The following BASP1 variants were observed in gnomAD, a reference collection of about 807,000 sequenced individuals.
The protein encoded by BASP1 is brain acid soluble protein 1.
Under a neutral mutation model 2.2 loss-of-function variants are expected in BASP1, and 1 was observed. The ratio of observed to expected loss-of-function variants is 0.46; its 90% confidence interval spans 0.16 to 2.17. The LOEUF is 2.17. BASP1 is among the 30% of genes most tolerant of loss of function. BASP1 has a pLI of 0.27. For missense variants in BASP1, 352 were observed against 327.2 expected, an observed-to-expected ratio of 1.08 and a Z score of -0.58; for synonymous variants, 187 against 154.2, an observed-to-expected ratio of 1.21 and a Z score of -1.58.
chr5:17,275,604 G>A lies in BASP1; in HGVS notation c.388G>A (p.Ala130Thr). ...AGCTGCTGAGGCCGCCGCGGCCCCGGCCGAGAGCGCGGCCCCTGCCGCCGG... is the reference window on the plus strand; with the variant it reads ...AGCTGCTGAGGCCGCCGCGGCCCCGACCGAGAGCGCGGCCCCTGCCGCCGG... ...PKAAEAAAAPAESAAPAAGEE... is the reference protein window; with the variant it reads ...PKAAEAAAAPTESAAPAAGEE... Residue 130 changes from alanine (A) to threonine (T), a missense_variant, in exon 2 of 2, where the codon GCC becomes ACC. Transcript: ENST00000322611. This position sits in a 1 kb window ranked among gnomAD's most constrained non-coding sequence, Gnocchi z 5.3. The A allele has an allele frequency of 7.0e-7, 1 of 1,424,182 alleles. No homozygotes were observed. Among genetic ancestry groups the A allele is most frequent in the Non-Finnish European group, 9.2e-7 (1 of 1,092,274 alleles). 88.2% of individuals were successfully genotyped at this position (1,424,182 alleles called of 1,614,324 possible). A position where few individuals can be genotyped will look rare whatever the true frequency, so the allele number is the denominator to read the frequency against.
At chr5:17,244,586 C>T (rs1229347917) in intron 1 of BASP1, among the ~76,000 whole-genome samples, 3 of 152,024 alleles carry the variant, frequency 2.0e-5, no homozygotes, top group Non-Finnish European at 4.4e-5. Flanking sequence ...CCATTGTTTA[C>T]ATCGTCAGAC....
chr5:17,218,351 T>G (rs1165111425), intron 1 of BASP1, among the ~76,000 whole-genome samples: 1 of 152,062 alleles, frequency 6.6e-6, no homozygotes, highest in Non-Finnish European at 1.5e-5. Context: ...AGTGGGTGGC[T>G]TTTTGCTTTG....
rs148718165 is a variant in BASP1, at chr5:17,255,664, C to T, written c.-9-19544C>T. On this transcript the variant is annotated intron_variant, in intron 1 of 1. Coordinates refer to ENST00000322611, the MANE Select transcript of BASP1 (RefSeq NM_006317.5). ...GTAGAGATGCAAGGCTGACTGTGGA[C>T]GTAAATAATAGAACATTCAGAATCA... Among the ~76,000 whole-genome samples, 25 of 152,192 alleles carry T rather than the reference C, an allele frequency of 1.6e-4. No individual in the cohort carries two copies. In the East Asian group the frequency reaches 3.9e-3, roughly 24 times the overall value.
At chr5:17,227,310 C>T (rs1267666895) in intron 1 of BASP1, among the ~76,000 whole-genome samples, 4 of 152,012 alleles carry the variant, frequency 2.6e-5, no homozygotes, top group Non-Finnish European at 5.9e-5. Flanking sequence ...ACCTCTGCCT[C>T]CTGGGTTCAA....
At chr5:17,269,176 A>C (rs1407011631) in intron 1 of BASP1, among the ~76,000 whole-genome samples, 1 of 152,242 alleles carries the variant, frequency 6.6e-6, no homozygotes, top group Non-Finnish European at 1.5e-5. Context: ...CTTCCTAGGC[A>C]TGAAGAAGTT....
At chr5:17,246,223 T>C (rs1316070521) in intron 1 of BASP1, among the ~76,000 whole-genome samples, 1 of 152,014 alleles carries the variant, frequency 6.6e-6, no homozygotes, top group Non-Finnish European at 1.5e-5. Context: ...GGCTCACGCC[T>C]GTAATCCCAG....
intron 1 of BASP1, among the ~76,000 whole-genome samples, chr5:17,250,690 C>T (rs2126507228): frequency 6.6e-6 from 1 of 152,106 alleles, no homozygotes; most frequent in East Asian, 1.9e-4. Flanking sequence ...CTGTAAGCTC[C>T]ACCTCCCGGG....
In BASP1 at chr5:17,262,933, G is replaced by A. The variant is rs143051258; in HGVS notation, c.-9-12275G>A. On this transcript the variant is annotated intron_variant, in intron 1 of 1. Transcript: ENST00000322611. ...ACGATCTCGGCTCACTGCAAGCTCCGCCTCCCTGGTTCATGCCATTCTCCT... is the reference window on the plus strand; with the variant it reads ...ACGATCTCGGCTCACTGCAAGCTCCACCTCCCTGGTTCATGCCATTCTCCT... Among the ~76,000 whole-genome samples, 489 of 151,192 alleles carry A rather than the reference G, an allele frequency of 3.2e-3. 1 individual carries two copies. Among genetic ancestry groups the A allele is most frequent in the African/African-American group, 0.011 (459 of 41,098 alleles).
At chr5:17,243,151 G>A (rs1579489336) in intron 1 of BASP1, among the ~76,000 whole-genome samples, 1 of 150,414 alleles carries the variant, frequency 6.6e-6, no homozygotes, top group Non-Finnish European at 1.5e-5. Flanking sequence ...TTAAATTCTT[G>A]CTTTTTTTTT....
chr5:17,228,275 G>T (rs938988540), intron 1 of BASP1, among the ~76,000 whole-genome samples: 2 of 152,160 alleles, frequency 1.3e-5, no homozygotes, highest in African/African-American at 4.8e-5. Flanking sequence ...AGTTTTCTGG[G>T]TGGACAGGTA....
chr5:17,273,379 C>T (rs572607143), intron 1 of BASP1, among the ~76,000 whole-genome samples: 1 of 151,980 alleles, frequency 6.6e-6, no homozygotes, highest in Admixed American at 6.5e-5. Flanking sequence ...AGGTTATGAC[C>T]AATTGCCACC....
intron 1 of BASP1, among the ~76,000 whole-genome samples, chr5:17,229,631 C>T (rs982463299): frequency 2.6e-5 from 4 of 152,136 alleles, no homozygotes; most frequent in African/African-American, 4.8e-5. Context: ...AAGATGCACC[C>T]GCATTAACAC....
At chr5:17,255,766 C>T (rs1740198698) in intron 1 of BASP1, among the ~76,000 whole-genome samples, 1 of 152,140 alleles carries the variant, frequency 6.6e-6, no homozygotes, top group Non-Finnish European at 1.5e-5. Flanking sequence ...TTCACTTCCA[C>T]CTTCTGTTTC....
chr5:17,275,768 G>T lies in BASP1; in HGVS notation c.552G>T (p.Lys184Asn), dbSNP rs1381029427. The stretch of plus-strand genomic sequence containing the variant: ...GCTCGGAGGCTGCCCCCTCTTCCAA[G>T]GAGACCCCCGCAGCCACGGAAGCGC... The part of the protein sequence containing the change: ...PGSSEAAPSS[K>N]ETPAATEAPS... The change falls in exon 2 of 2, where the codon AAG becomes AAT. Residue 184 changes from lysine (K) to asparagine (N), a missense_variant. Physicochemically the swap from Lys to Asn is moderately conservative, Grantham distance 94 (BLOSUM62 0). Transcript: ENST00000322611. This position sits in a 1 kb window ranked among gnomAD's most constrained non-coding sequence, Gnocchi z 5.3. The T allele has an allele frequency of 6.2e-7, 1 of 1,612,854 alleles. No individual in the cohort carries two copies.
At chr5:17,252,520 T>A (rs1305891780) in intron 1 of BASP1, among the ~76,000 whole-genome samples, 2 of 152,206 alleles carry the variant, frequency 1.3e-5, no homozygotes, top group African/African-American at 4.8e-5. Context: ...TTTGGAGATG[T>A]TCTCTGTGGA....
At chr5:17,222,388 C>A in intron 1 of BASP1, among the ~76,000 whole-genome samples, 1 of 152,256 alleles carries the variant, frequency 6.6e-6, no homozygotes, top group Non-Finnish European at 1.5e-5. Context: ...AGTCTTGAAA[C>A]CACAGCAGTG....
chr5:17,248,079 G>A (rs896308141), intron 1 of BASP1, among the ~76,000 whole-genome samples: 1 of 152,142 alleles, frequency 6.6e-6, no homozygotes, highest in African/African-American at 2.4e-5. Context: ...CCAGATCTGG[G>A]ATAGTGGGCA....
At chr5:17,258,979 T>C (rs1162574866) in intron 1 of BASP1, among the ~76,000 whole-genome samples, 2 of 152,216 alleles carry the variant, frequency 1.3e-5, no homozygotes, top group Non-Finnish European at 2.9e-5. Flanking sequence ...ACTATGCTGT[T>C]TGAACTCAAC....
intron 1 of BASP1, among the ~76,000 whole-genome samples, chr5:17,245,963 C>T (rs957391063): frequency 2.0e-5 from 3 of 151,108 alleles, no homozygotes; most frequent in Non-Finnish European, 2.9e-5. Flanking sequence ...AATACCAACG[C>T]GTGGATAGAG....
Sources: gnomAD v4.1 joint callset for allele counts (sites outside exome capture counted in the v4.1 genomes callset) on GRCh38, gnomAD v4.1.1 for gene constraint, Gnocchi (gnomAD v3.1) non-coding constraint, MANE v1.5 for transcripts, NCBI Gene and HGNC (gene_info 2026-07-23, HGNC 2026-07-21) for gene names.